The following TTN variants were observed in gnomAD, a reference collection of about 807,000 sequenced individuals.
TTN encodes titin.
A neutral mutation model predicts 3,223.0 loss-of-function variants in TTN; 1,525 were observed. The ratio of observed to expected loss-of-function variants is 0.47; its 90% CI spans 0.45 to 0.49. TTN has a LOEUF of 0.49. Among genes scored for constraint, TTN ranks in the 20% least tolerant of loss-of-function variants. TTN has a pLI of 0.00. For missense variants in TTN, 40,786 were observed against 43,424.0 expected, an observed-to-expected ratio of 0.94 and a Z score of 5.40; for synonymous variants, 14,094 against 15,161.0, an observed-to-expected ratio of 0.93 and a Z score of 5.17.
In TTN at chr2:178,542,704, C is replaced by T. The variant is rs754763137; in HGVS notation, c.97150G>A (p.Val32384Ile). The change falls in exon 348 of 363, where the codon GTT becomes ATT. Residue 32384 changes from valine to isoleucine, a missense_variant. Val to Ile is a conservative substitution (Grantham distance 29, BLOSUM62 3). Coordinates refer to ENST00000589042, the MANE Select transcript of TTN (RefSeq NM_001267550.2). Reference sequence around the variant, plus strand: ...ATGGTTTCTGAAGTAGTTCCGGTAACATTCTTCAATTCAAGTGTGTATTCT... The same window carrying T: ...ATGGTTTCTGAAGTAGTTCCGGTAATATTCTTCAATTCAAGTGTGTATTCT... ...TGEYTLELKN[V>I]TGTTSETIKV... is the part of the protein sequence containing the mutation. The T allele has an allele frequency of 1.2e-6, 2 of 1,613,812 alleles. No individual in the cohort carries two copies. The highest frequency in any genetic ancestry group is 1.1e-5 in the South Asian group (1 of 91,070).
rs574681280 is a variant in TTN, at chr2:178,631,075, T to C, written c.43973A>G (p.Asp14658Gly). 7 of 1,613,332 alleles carry C rather than the reference T, an allele frequency of 4.3e-6. 1 individual carries two copies. In the South Asian group the frequency reaches 6.6e-5, roughly 15 times the overall value. Reference protein sequence around the residue: ...LKSDIGQYTCDCGTDKTSGKL... With the variant: ...LKSDIGQYTCGCGTDKTSGKL... ...TCCTGAGGTCTTATCTGTCCCACAG[T>C]CACAGGTGTACTGTCCAATATCTGA... Residue 14658 changes from aspartate to glycine, a missense_variant, in exon 237 of 363, where the codon GAC becomes GGC. Transcript: ENST00000589042.
At position 178,763,394 on chromosome 2, in the gene TTN, T is replaced by C. The variant is rs2089711204; in HGVS notation, c.10114+783A>G. Among the ~76,000 whole-genome samples the C allele has an allele frequency of 2.0e-5, 3 of 152,206 alleles. No individual in the cohort carries two copies. The South Asian group carries it at 6.2e-4, about 31-fold the overall frequency. ...TTAATCTTGATAATAATCTTAAGTG[T>C]TTGGTAACAGTCATTTAACCATCAT... On this transcript the variant is annotated intron_variant, in intron 43 of 362. Transcript: ENST00000589042.
chr2:178,795,382 AG>A (rs1263773208), intron 6 of TTN, 130 bp from the exon 7 acceptor site: 1 of 793,724 alleles, frequency 1.3e-6, no homozygotes, highest in African/African-American at 1.7e-5. Context: ...ACCCATTCAG[AG>A]GGTAAATAAT....
chr2:178,776,501 G>A lies in TTN; in HGVS notation c.5363C>T (p.Thr1788Ile), dbSNP rs760787459. The change falls in exon 28 of 363, where the codon ACA becomes ATA. Residue 1788 changes from threonine to isoleucine, a missense_variant. By Grantham distance (89) the Thr-to-Ile change is moderately conservative. Coordinates refer to ENST00000589042, the MANE Select transcript of TTN (RefSeq NM_001267550.2). ...ATCTTTAACAATAAGGGTAGCAGAT[G>A]TGTGATCTGTTCCATATTTGTTAGT... ...RATNKYGTDH[T>I]SATLIVKDEK... 6 of 1,608,484 alleles carry A rather than the reference G, an allele frequency of 3.7e-6. No homozygotes were observed. The highest frequency in any genetic ancestry group is 4.5e-5 in the East Asian group (2 of 44,882).
intron 43 of TTN, 70 bp downstream of exon 43, chr2:178,764,107 C>G: frequency 1.2e-6 from 2 of 1,607,782 alleles, no homozygotes. Context: ...GGAGGAGAAG[C>G]TGACAGAATG....
rs879246805 is a variant in TTN, at chr2:178,572,481, T to C, written c.73651A>G (p.Ile24551Val). 4.3e-6 allele frequency: 7 copies of C among 1,612,866 alleles called. No homozygotes were observed. In the African/African-American group the frequency reaches 8.0e-5, roughly 18 times the overall value. ...CGCTTTTCAACAATATAGTTCTTGA[T>C]TTTTGAACCTCCATCAAGGAGAGGT... ...DPPLLDGGSK[I>V]KNYIVEKRES... Residue 24551 changes from isoleucine (I) to valine (V), a missense_variant, in exon 326 of 363, where the codon ATC becomes GTC. By Grantham distance (29) the Ile-to-Val change is conservative. Transcript: ENST00000589042.
In TTN at chr2:178,785,970, G is replaced by T. The variant is rs1273353163; in HGVS notation, c.2248C>A (p.Pro750Thr). The change falls in exon 14 of 363, where the codon CCC becomes ACC. Residue 750 changes from proline to threonine, a missense_variant. Physicochemically the swap from Pro to Thr is conservative, Grantham distance 38. Transcript: ENST00000589042. ...RISAAKVAEP[P>T]QRPASEPHVV... The stretch of plus-strand genomic sequence containing the variant: ...TGGGGTTCTGAGGCTGGACGTTGGG[G>T]AGGCTCAGCTACCTTTGCGGCGGAA... 2 of 1,614,124 alleles carry T rather than the reference G, an allele frequency of 1.2e-6. No homozygotes were observed. The highest frequency in any genetic ancestry group is 1.7e-5 in the Admixed American group (1 of 60,016).
Position 178,636,177 on chromosome 2 carries a change from C to T in TTN, c.41394G>A (p.Leu13798=). 1.3e-5 allele frequency: 21 copies of T among 1,612,084 alleles called. No homozygotes were observed. The highest frequency in any genetic ancestry group is 1.8e-5 in the Non-Finnish European group (21 of 1,178,940). ...EEVTVVKGQP[L]YLSCELNKER... ...CTTTGTTTAACTCGCAGCTCAAGTA[C>T]AATGGCTGTCCTTTGACCACTGTGA... The change falls in exon 226 of 363, where the codon TTG becomes TTA. Residue 13798 remains leucine (L), a synonymous_variant. Coordinates refer to ENST00000589042, the MANE Select transcript of TTN (RefSeq NM_001267550.2). This position sits in a 1 kb window ranked among gnomAD's most constrained non-coding sequence, Gnocchi z 4.3.
At position 178,543,600 on chromosome 2, in the gene TTN, T is replaced by G. The variant is rs1295778602; in HGVS notation, c.96373A>C (p.Thr32125Pro). Reference sequence around the variant, plus strand: ...CCATCAATCGTGGGAATTTCCCAAGTTATAGTCACAGAATCTCTTGATACT... The same window carrying G: ...CCATCAATCGTGGGAATTTCCCAAGGTATAGTCACAGAATCTCTTGATACT... ...KEVSRDSVTI[T>P]WEIPTIDGGA... The change falls in exon 347 of 363, where the codon ACT (threonine) becomes CCT (proline). Residue 32125 changes from threonine (T) to proline (P), a missense_variant. By Grantham distance (38) the Thr-to-Pro change is conservative. Transcript: ENST00000589042. The G allele has an allele frequency of 6.2e-7, 1 of 1,605,866 alleles. No homozygotes were observed. The highest frequency in any genetic ancestry group is 8.5e-7 in the Non-Finnish European group (1 of 1,179,522).
intron 111 of TTN, among the ~76,000 whole-genome samples, chr2:178,699,210 A>T (rs2074306091): frequency 6.6e-6 from 1 of 151,822 alleles, no homozygotes; most frequent in Non-Finnish European, 1.5e-5. Flanking sequence ...GATATCATAA[A>T]TAGTAAAGTA....
Position 178,722,360 on chromosome 2 carries a change from A to G in TTN, c.22427T>C (p.Leu7476Ser), listed in dbSNP as rs1330405287. 1.2e-6 allele frequency: 2 copies of G among 1,613,206 alleles called. No individual in the cohort carries two copies. Among genetic ancestry groups the G allele is most frequent in the Admixed American group, 1.7e-5 (1 of 59,934 alleles). The change falls in exon 77 of 363, where the codon TTA (leucine) becomes TCA (serine). Residue 7476 changes from leucine (L) to serine (S), a missense_variant. Physicochemically the swap from Leu to Ser is moderately radical, Grantham distance 145 (BLOSUM62 -2). Coordinates refer to ENST00000589042, the MANE Select transcript of TTN (RefSeq NM_001267550.2). Reference sequence around the variant, plus strand: ...ACTCAAGTCAGTTTGCAAAATTTTTAAAGTTGCCACATTATCTACAAATGA... The same window carrying G: ...ACTCAAGTCAGTTTGCAAAATTTTTGAAGTTGCCACATTATCTACAAATGA... ...QTSFVDNVAT[L>S]KILQTDLSHS...
Position 178,768,056 on chromosome 2 carries a change from A to T in TTN, c.9263T>A (p.Val3088Glu). The change falls in exon 39 of 363, where the codon GTA becomes GAA. Residue 3088 changes from valine (V) to glutamate (E), a missense_variant. Coordinates refer to ENST00000589042, the MANE Select transcript of TTN (RefSeq NM_001267550.2). ...ECEVSEPDITVQWMKDDQELQ... is the reference protein window; with the variant it reads ...ECEVSEPDITEQWMKDDQELQ... Reference sequence around the variant, plus strand: ...TTCCTGGTCATCTTTCATCCACTGTACAGTGATGTCAGGTTCAGAAACTTC... The same window carrying T: ...TTCCTGGTCATCTTTCATCCACTGTTCAGTGATGTCAGGTTCAGAAACTTC... The T allele has an allele frequency of 6.2e-7, 1 of 1,614,182 alleles. No homozygotes were observed. Among genetic ancestry groups the T allele is most frequent in the Non-Finnish European group, 8.5e-7 (1 of 1,180,028 alleles).
intron 98 of TTN, 40 bp downstream of exon 98, chr2:178,710,595 G>T: frequency 6.3e-7 from 1 of 1,575,564 alleles, no homozygotes; most frequent in Non-Finnish European, 8.6e-7. Context: ...ACTACAAAAT[G>T]ATTACACTTT....
rs772089045 is a variant in TTN at position 178,649,855 on chromosome 2, A to G, written c.39857T>C (p.Val13286Ala). Residue 13286 changes from valine (V) to alanine (A), a missense_variant, in exon 211 of 363, where the codon GTT (valine) becomes GCT (alanine). Transcript: ENST00000589042. Reference protein sequence around the residue: ...EPKKIIPEKKVPVIKKPEAPP... With the variant: ...EPKKIIPEKKAPVIKKPEAPP... ...TGCTTCTGGTTTTTTGATGACAGGA[A>G]CTTTCTTCTCTGGGATGATCTTCTT... 44 of 1,612,666 alleles carry G rather than the reference A, an allele frequency of 2.7e-5. No homozygotes were observed. The highest frequency in any genetic ancestry group is 3.7e-5 in the Non-Finnish European group (44 of 1,179,466).
chr2:178,643,721 T>C (rs1014591342), intron 218 of TTN, among the ~76,000 whole-genome samples: 14 of 148,852 alleles, frequency 9.4e-5, no homozygotes, highest in East Asian at 1.9e-4. Flanking sequence ...TCAATATCCA[T>C]GATAACATTA....
Position 178,764,373 on chromosome 2 carries a change from G to A in TTN, c.9989-71C>T, listed in dbSNP as rs1008070657. ...AGACCTCACAGAAGGGAGCATGTAG[G>A]TTTATCTTAATTTATTTCACTGCAG... On this transcript the variant is annotated intron_variant, in intron 42 of 362. Transcript: ENST00000589042. 37 of 1,612,456 alleles carry A rather than the reference G, an allele frequency of 2.3e-5. No homozygotes were observed. In the Admixed American group the frequency reaches 5.0e-4, roughly 22 times the overall value.
Position 178,642,259 on chromosome 2 carries a change from C to T in TTN, c.40536G>A (p.Lys13512=). Residue 13512 remains lysine (K), a synonymous_variant, in exon 219 of 363, where the codon AAG becomes AAA. Transcript: ENST00000589042. ...TACCGCTTTTCAGAACAACTTCTTCCTTTGGTTCAGGTTTACGTTCCGGAA... is the reference window on the plus strand; with the variant it reads ...TACCGCTTTTCAGAACAACTTCTTCTTTTGGTTCAGGTTTACGTTCCGGAA... ...KLLPERKPEP[K]EEVVLKSVLR... is the part of the protein sequence containing the mutation. 1 of 1,593,666 alleles carries T rather than the reference C, an allele frequency of 6.3e-7. No individual in the cohort carries two copies. Among genetic ancestry groups the T allele is most frequent in the Non-Finnish European group, 8.6e-7 (1 of 1,168,982 alleles).
At position 178,536,513 on chromosome 2, in the gene TTN, C is replaced by A; in HGVS notation, c.100234G>T (p.Ala33412Ser). 1 of 1,547,920 alleles carries A rather than the reference C, an allele frequency of 6.5e-7. No homozygotes were observed. Among genetic ancestry groups the A allele is most frequent in the Non-Finnish European group, 8.7e-7 (1 of 1,149,686 alleles). Residue 33412 changes from alanine (A) to serine (S), a missense_variant, in exon 357 of 363, where the codon GCC (alanine) becomes TCC (serine). Coordinates refer to ENST00000589042, the MANE Select transcript of TTN (RefSeq NM_001267550.2). ...TAVTKDSCVV[A>S]WKPPASDGGA... The stretch of plus-strand genomic sequence containing the variant: ...CCATCACTGGCAGGTGGCTTCCAGG[C>A]CACAACACAAGAATCTTTTGTGACA...
chr2:178,719,699 T>C lies in TTN; in HGVS notation c.23793A>G (p.Ala7931=). Residue 7931 remains alanine, a synonymous_variant, in exon 82 of 363, where the codon GCA becomes GCG. Coordinates refer to ENST00000589042, the MANE Select transcript of TTN (RefSeq NM_001267550.2). ...KWFKDGRELS[A]DSKHHITFIN... ...TGAATGTAATGTGATGTTTGCTGTCTGCAGACAATTCTCTTCCATCTTTGA... is the reference window on the plus strand; with the variant it reads ...TGAATGTAATGTGATGTTTGCTGTCCGCAGACAATTCTCTTCCATCTTTGA... 1 of 1,613,782 alleles carries C rather than the reference T, an allele frequency of 6.2e-7. No homozygotes were observed. The highest frequency in any genetic ancestry group is 8.5e-7 in the Non-Finnish European group (1 of 1,179,726).
Sources: gnomAD v4.1 joint callset for allele counts (sites outside exome capture counted in the v4.1 genomes callset) on GRCh38, gnomAD v4.1.1 for gene constraint, Gnocchi (gnomAD v3.1) non-coding constraint, MANE v1.5 for transcripts, NCBI Gene and HGNC (gene_info 2026-07-23, HGNC 2026-07-21) for gene names.